The following OLFM3 variants were observed in gnomAD, a reference collection of about 807,000 sequenced individuals.
The protein encoded by OLFM3 is olfactomedin 3.
Under a neutral mutation model 48.6 loss-of-function variants are expected in OLFM3, and 20 were observed. That is an observed-to-expected ratio of 0.41 (90% CI 0.29 to 0.60). OLFM3 has a LOEUF of 0.60. Among genes scored for constraint, OLFM3 ranks in the 20% least tolerant of loss-of-function variants. The probability of loss-of-function intolerance (pLI) is 0.28; values close to 1 mark genes in which losing one functional copy is unlikely to be tolerated. For synonymous variants in OLFM3, 222 were observed against 198.1 expected, an observed-to-expected ratio of 1.12 and a Z score of -1.01; for missense variants, 437 against 544.3, an observed-to-expected ratio of 0.80 and a Z score of 1.96.
At chr1:101,982,207 A>G (rs1313055500) in intron 1 of OLFM3, among the ~76,000 whole-genome samples, 2 of 152,180 alleles carry the variant, frequency 1.3e-5, no homozygotes, top group African/African-American at 2.4e-5. Context: ...ATGGTGATGC[A>G]ATCTACAGTG....
intron 1 of OLFM3, among the ~76,000 whole-genome samples, chr1:101,924,669 A>G (rs1659210214): frequency 6.6e-6 from 1 of 152,186 alleles, no homozygotes; most frequent in Non-Finnish European, 1.5e-5. Context: ...TCCAAGTCAC[A>G]CCTAACTGGC....
chr1:101,883,965 T>G (rs950605765), intron 1 of OLFM3, among the ~76,000 whole-genome samples: 1 of 151,884 alleles, frequency 6.6e-6, no homozygotes, highest in African/African-American at 2.4e-5. Flanking sequence ...TCTGTATTGA[T>G]TCTCATCTTT....
chr1:101,976,939 G>A (rs1397014692), intron 1 of OLFM3, among the ~76,000 whole-genome samples: 2 of 152,100 alleles, frequency 1.3e-5, no homozygotes, highest in African/African-American at 4.8e-5. Flanking sequence ...AAAGTGGGAA[G>A]GTGAGTTATG....
chr1:101,835,957 A>G (rs1655380004), intron 2 of OLFM3, among the ~76,000 whole-genome samples: 2 of 152,226 alleles, frequency 1.3e-5, no homozygotes, highest in African/African-American at 4.8e-5. Flanking sequence ...GAGTGTCTCT[A>G]TTAAAAAACT....
chr1:101,906,419 G>C (rs930247175), intron 1 of OLFM3, among the ~76,000 whole-genome samples: 2 of 151,994 alleles, frequency 1.3e-5, no homozygotes, highest in African/African-American at 4.8e-5. Flanking sequence ...TGTTACCAAA[G>C]AGATTATCTT....
chr1:101,845,671 G>A (rs1193515814), intron 1 of OLFM3, among the ~76,000 whole-genome samples: 1 of 152,130 alleles, frequency 6.6e-6, no homozygotes, highest in African/African-American at 2.4e-5. Flanking sequence ...CTTCCTGCCA[G>A]GCCACTTCAT....
intron 1 of OLFM3, among the ~76,000 whole-genome samples, chr1:101,912,509 C>G (rs1658793994): frequency 6.6e-6 from 1 of 152,100 alleles, no homozygotes; most frequent in East Asian, 1.9e-4. Context: ...AGATGTAGAG[C>G]AAAATTCCAA....
At chr1:101,953,030 A>T (rs6685417) in intron 1 of OLFM3, among the ~76,000 whole-genome samples, 90,427 of 151,952 alleles carry the variant, frequency 0.6, 27,206 homozygotes, top group East Asian at 0.73. Flanking sequence ...CATGAGTAAA[A>T]GTACAAAAAT....
At chr1:101,900,571 G>GA (rs1351145507) in intron 1 of OLFM3, among the ~76,000 whole-genome samples, 18 of 152,058 alleles carry the variant, frequency 1.2e-4, no homozygotes, top group African/African-American at 3.9e-4. Flanking sequence ...GTAAAGGCAA[G>GA]AAAGTGTTTG....
At chr1:101,970,337 T>C (rs368981157) in intron 1 of OLFM3, among the ~76,000 whole-genome samples, 1 of 152,182 alleles carries the variant, frequency 6.6e-6, no homozygotes, top group East Asian at 1.9e-4. Context: ...ACTTTAAGAT[T>C]ATTCTTGGCA....
intron 1 of OLFM3, among the ~76,000 whole-genome samples, chr1:101,916,401 C>CT (rs57463919): frequency 0.022 from 3,340 of 150,558 alleles, 57 homozygotes; most frequent in Middle Eastern, 0.034. Flanking sequence ...AATGTCTCTC[C>CT]TTTTTTTTTA....
chr1:101,839,761 A>C (rs1285983882), intron 1 of OLFM3, among the ~76,000 whole-genome samples: 1 of 152,196 alleles, frequency 6.6e-6, no homozygotes, highest in Non-Finnish European at 1.5e-5. Flanking sequence ...AAGAGGGTTT[A>C]ATGTTCATTT....
intron 1 of OLFM3, among the ~76,000 whole-genome samples, chr1:101,992,731 ATTTTC>A: frequency 6.6e-6 from 1 of 152,070 alleles, no homozygotes; most frequent in East Asian, 1.9e-4. Context: ...AAGTCTGATT[ATTTTC>A]TTTAGCAATA....
intron 1 of OLFM3, among the ~76,000 whole-genome samples, chr1:101,908,021 AT>A (rs886577134): frequency 7.2e-5 from 11 of 152,202 alleles, no homozygotes; most frequent in African/African-American, 2.4e-4. Context: ...TCTATTTAGC[AT>A]TTTTTCCTCA....
At chr1:101,881,228 C>A (rs1366407004) in intron 1 of OLFM3, among the ~76,000 whole-genome samples, 1 of 151,698 alleles carries the variant, frequency 6.6e-6, no homozygotes, top group Non-Finnish European at 1.5e-5. Context: ...TTGTTTTAGC[C>A]TATTAAGTTT....
intron 1 of OLFM3, among the ~76,000 whole-genome samples, chr1:101,944,176 A>G (rs528942271): frequency 2.6e-5 from 4 of 151,884 alleles, no homozygotes; most frequent in Admixed American, 1.3e-4. Context: ...ATATTTTATT[A>G]TCACATATAA....
At chr1:101,809,477 CAT>C (rs1653941963) in intron 4 of OLFM3, among the ~76,000 whole-genome samples, 1 of 151,822 alleles carries the variant, frequency 6.6e-6, no homozygotes, top group East Asian at 1.9e-4. Flanking sequence ...TATTTTTTAA[CAT>C]GTGCACTTTC....
intron 1 of OLFM3, chr1:101,893,575 C>T (rs1455592176): frequency 7.7e-6 from 2 of 260,942 alleles, no homozygotes; most frequent in Non-Finnish European, 1.6e-5. Flanking sequence ...AAGGACCATG[C>T]TGTTTTTACT....
intron 1 of OLFM3, among the ~76,000 whole-genome samples, chr1:101,869,252 C>G (rs1656977090): frequency 6.6e-6 from 1 of 152,204 alleles, no homozygotes; most frequent in African/African-American, 2.4e-5. Context: ...GGGCTGTACC[C>G]TGCAAAGCCA....
Sources: gnomAD v4.1 joint callset for allele counts (sites outside exome capture counted in the v4.1 genomes callset) on GRCh38, gnomAD v4.1.1 for gene constraint, MANE v1.5 for transcripts, NCBI Gene and HGNC (gene_info 2026-07-23, HGNC 2026-07-21) for gene names.